Variants in FAR1 observed in about 807,000 individuals in gnomAD.
The protein encoded by FAR1 is fatty acyl-CoA reductase 1, also known as male sterility domain-containing protein 2.
Under a neutral mutation model 61.1 loss-of-function variants are expected in FAR1, and 22 were observed. The ratio of observed to expected loss-of-function variants is 0.36; its 90% CI spans 0.26 to 0.51. The LOEUF (loss-of-function observed/expected upper bound fraction) is 0.51. Ranked by LOEUF, FAR1 falls within the 20% of genes least tolerant of loss-of-function variation. The pLI is 0.95. For missense variants in FAR1, 359 were observed against 626.9 expected (o/e 0.57, Z 4.56); for synonymous variants, 206 against 209.7 (o/e 0.98, Z 0.15).
In FAR1 at chr11:13,730,499, G is replaced by A. The variant is rs1241297770; in HGVS notation, c.*1725G>A. 2.0e-5 allele frequency: 3 copies of A among 152,204 alleles called. No individual in the cohort carries two copies. In the East Asian group the frequency reaches 5.8e-4, roughly 29 times the overall value. 9.4% of individuals were successfully genotyped at this position (152,204 alleles called of 1,614,324 possible). A position where few individuals can be genotyped will look rare whatever the true frequency, so the allele number is the denominator to read the frequency against. The stretch of plus-strand genomic sequence containing the variant: ...TAAAGGTATAAGAGACCATGACAAT[G>A]TCTGAAAATGGAATAGATAATGATG... On this transcript the variant is annotated 3_prime_UTR_variant, in exon 12 of 12. Coordinates refer to ENST00000354817, the MANE Select transcript of FAR1 (RefSeq NM_032228.6).
chr11:13,672,553 A>G (rs1025590375), intron 1 of FAR1, among the ~76,000 whole-genome samples: 2 of 151,996 alleles, frequency 1.3e-5, no homozygotes, highest in Non-Finnish European at 2.9e-5. Context: ...TCAAAAAAAA[A>G]AAAAAAAGTG....
intron 1 of FAR1, among the ~76,000 whole-genome samples, chr11:13,689,206 A>G (rs942400546): frequency 2.0e-5 from 3 of 152,224 alleles, no homozygotes; most frequent in African/African-American, 7.2e-5. Context: ...GAAAGTCCAT[A>G]TATTCGAAGT....
At chr11:13,711,888 G>T in intron 6 of FAR1, 40 bp from the exon 7 acceptor site, 1 of 1,568,646 alleles carries the variant, frequency 6.4e-7, no homozygotes, top group South Asian at 1.1e-5. Flanking sequence ...ATACACTATG[G>T]CTTATATATC....
In FAR1 at chr11:13,728,579, ACTGT is replaced by A. The variant is rs1454561516; in HGVS notation, c.1386-30_1386-27del. ...CTAACAATATTTTTTTCTAGAAAAT[ACTGT>A]CTAACATATCTCTTGATTTGCTTTC... is the stretch of plus-strand genomic sequence containing the variant. On this transcript the variant is annotated intron_variant, in intron 11 of 11. Transcript: ENST00000354817. 1.0e-5 allele frequency: 16 copies of A among 1,576,460 alleles called. No homozygotes were observed. In the Admixed American group the frequency reaches 1.1e-4, roughly 10 times the overall value.
chr11:13,680,827 C>CAAACCATATGT (rs1848119300), intron 1 of FAR1, among the ~76,000 whole-genome samples: 3 of 152,154 alleles, frequency 2.0e-5, no homozygotes, highest in Admixed American at 2.0e-4. Context: ...TGGGACCAAA[C>CAAACCATATGT]AAACCATATG....
rs540910399 is a variant in FAR1 at position 13,697,286 on chromosome 11, C to T, written c.189+2332C>T. 2.0e-5 allele frequency among the ~76,000 whole-genome samples: 3 copies of T among 151,958 alleles called. No homozygotes were observed. The East Asian group carries it at 5.8e-4, about 30-fold the overall frequency. On this transcript the variant is annotated intron_variant, in intron 2 of 11. Transcript: ENST00000354817. The stretch of plus-strand genomic sequence containing the variant: ...ACCAGCCTGGCCAATAATGGAGAAA[C>T]CCCATCTCTACTAAAAAATACAAAA...
At chr11:13,714,002 T>C (rs1848529857) in intron 8 of FAR1, among the ~76,000 whole-genome samples, 1 of 152,122 alleles carries the variant, frequency 6.6e-6, no homozygotes, top group African/African-American at 2.4e-5. Flanking sequence ...TTAATATAGA[T>C]GATACTAGGT....
At chr11:13,675,536 C>T (rs554205148) in intron 1 of FAR1, among the ~76,000 whole-genome samples, 4 of 152,186 alleles carry the variant, frequency 2.6e-5, no homozygotes, top group Non-Finnish European at 5.9e-5. Flanking sequence ...TATATCAGAA[C>T]TTGAACAAAG....
At chr11:13,693,919 A>G (rs749268073) in intron 1 of FAR1, among the ~76,000 whole-genome samples, 2 of 152,190 alleles carry the variant, frequency 1.3e-5, no homozygotes, top group Non-Finnish European at 2.9e-5. Flanking sequence ...AGCTTAAATA[A>G]AACATAAATA....
rs2134205145 is a variant in FAR1 at position 13,729,945 on chromosome 11, T to G, written c.*1171T>G. 1 of 152,524 alleles carries G rather than the reference T, an allele frequency of 6.6e-6. No homozygotes were observed. The highest frequency in any genetic ancestry group is 2.1e-4 in the South Asian group (1 of 4,828). 9.4% of individuals were successfully genotyped at this position (152,524 alleles called of 1,614,324 possible). On this transcript the variant is annotated 3_prime_UTR_variant, in exon 12 of 12. Transcript: ENST00000354817. The stretch of plus-strand genomic sequence containing the variant: ...AATGAGTTTGAAGGTATCACTTATT[T>G]TTTATGCATGTGATTTTAGCTTTAG...
rs202010733 is a variant in FAR1 at position 13,694,901 on chromosome 11, C to G, written c.136C>G (p.Gln46Glu). 1.2e-5 allele frequency: 19 copies of G among 1,613,830 alleles called. No individual in the cohort carries two copies. Among genetic ancestry groups the G allele is most frequent in the Non-Finnish European group, 1.6e-5 (19 of 1,179,870 alleles). Residue 46 changes from glutamine to glutamate, a missense_variant, in exon 2 of 12, where the codon CAG becomes GAG. By Grantham distance (29) the Gln-to-Glu change is conservative (BLOSUM62 2). Transcript: ENST00000354817. ...KVNSVYVLVR[Q>E]KAGQTPQERV... is the part of the protein sequence containing the mutation. ...GAATTCAGTATATGTTTTGGTGAGG[C>G]AGAAAGCTGGACAGACACCACAAGA...
At chr11:13,685,182 G>A (rs913308826) in intron 1 of FAR1, among the ~76,000 whole-genome samples, 2 of 152,058 alleles carry the variant, frequency 1.3e-5, no homozygotes, top group African/African-American at 4.8e-5. Context: ...GTGTTCTAAG[G>A]TTGACAGTAG....
At chr11:13,690,478 A>G (rs1429362128) in intron 1 of FAR1, among the ~76,000 whole-genome samples, 1 of 152,110 alleles carries the variant, frequency 6.6e-6, no homozygotes, top group East Asian at 1.9e-4. Flanking sequence ...CTCCTCTGTA[A>G]TCTTGTAGAA....
chr11:13,676,258 A>G (rs1848067622), intron 1 of FAR1, among the ~76,000 whole-genome samples: 1 of 152,220 alleles, frequency 6.6e-6, no homozygotes, highest in African/African-American at 2.4e-5. Flanking sequence ...AGCCAGTTTA[A>G]TAAATAGGAA....
At chr11:13,701,582 G>C (rs1475221668) in intron 3 of FAR1, among the ~76,000 whole-genome samples, 3 of 151,892 alleles carry the variant, frequency 2.0e-5, no homozygotes, top group African/African-American at 7.3e-5. Context: ...GATTACAAAA[G>C]GTTTGATATT....
In FAR1 at chr11:13,694,871, A is replaced by G; in HGVS notation, c.106A>G (p.Lys36Glu). 6.2e-7 allele frequency: 1 copy of G among 1,614,054 alleles called. No individual in the cohort carries two copies. The highest frequency in any genetic ancestry group is 8.5e-7 in the Non-Finnish European group (1 of 1,179,944). Residue 36 changes from lysine (K) to glutamate (E), a missense_variant, in exon 2 of 12, where the codon AAG (lysine) becomes GAG (glutamate). Lys to Glu is a moderately conservative substitution (Grantham distance 56, BLOSUM62 1). Transcript: ENST00000354817. Reference sequence around the variant, plus strand: ...GGAAAAGTTGCTGAGGTCTTGTCCTAAGGTGAATTCAGTATATGTTTTGGT... The same window carrying G: ...GGAAAAGTTGCTGAGGTCTTGTCCTGAGGTGAATTCAGTATATGTTTTGGT... ...LLEKLLRSCP[K>E]VNSVYVLVRQ...
In FAR1 at chr11:13,680,655, C is replaced by T. The variant is rs190276150; in HGVS notation, c.-8+11849C>T. On this transcript the variant is annotated intron_variant, in intron 1 of 11. Coordinates refer to ENST00000354817, the MANE Select transcript of FAR1 (RefSeq NM_032228.6). ...AGAGGAAGAGCTGCCAGTCTCTTTT[C>T]AACAGCCAGTTCTTGTGGCTGAGAA... 2.9e-3 allele frequency among the ~76,000 whole-genome samples: 441 copies of T among 152,126 alleles called. 4 individuals carry two copies. Among genetic ancestry groups the T allele is most frequent in the African/African-American group, 0.01 (420 of 41,506 alleles).
chr11:13,670,110 A>G (rs913043941), intron 1 of FAR1: 2 of 152,224 alleles, frequency 1.3e-5, no homozygotes, highest in African/African-American at 4.8e-5. Flanking sequence ...GCTGTCGCCC[A>G]GGCTGGAGTG....
intron 3 of FAR1, among the ~76,000 whole-genome samples, chr11:13,702,589 A>G (rs867562903): frequency 1.3e-5 from 2 of 152,298 alleles, no homozygotes; most frequent in Middle Eastern, 6.8e-3. Context: ...AAAATTCATT[A>G]GTGTGAAATG....
Sources: allele counts gnomAD v4.1 joint callset (sites outside exome capture counted in the v4.1 genomes callset), GRCh38; gene constraint gnomAD v4.1.1; transcripts MANE v1.5; gene names NCBI Gene and HGNC (gene_info 2026-07-23, HGNC 2026-07-21).